Variants in C5orf47 observed in about 807,000 individuals in gnomAD.
C5orf47 encodes the protein chromosome 5 open reading frame 47.
Under a neutral mutation model 20.6 loss-of-function variants are expected in C5orf47, and 20 were observed. The observed-to-expected ratio is 0.97, with a 90% confidence interval of 0.68 to 1.41. The LOEUF is 1.41. Among genes scored for constraint, C5orf47 ranks in the 40% most tolerant of loss-of-function variants. The probability of loss-of-function intolerance (pLI) is 0.00; values close to 1 mark genes in which losing one functional copy is unlikely to be tolerated. For synonymous variants in C5orf47, 106 were observed against 97.3 expected (o/e 1.09, Z -0.53); for missense variants, 262 against 238.4 (o/e 1.10, Z -0.65).
In C5orf47 at chr5:174,006,007, A is replaced by T. The variant is rs1759287388; in HGVS notation, c.*1753A>T. 1 of 152,320 alleles carries T rather than the reference A, an allele frequency of 6.6e-6. No individual in the cohort carries two copies. Among genetic ancestry groups the T allele is most frequent in the Non-Finnish European group, 1.5e-5 (1 of 68,036 alleles). The allele number at this position is 152,320 out of a possible 1,614,324, so 9.4% of individuals were successfully genotyped here. ...TGTTCAATCTGTTATGTTAAATAGA[A>T]TATAATAAACATAAGACTTTTCTTT... On this transcript the variant is annotated 3_prime_UTR_variant, in exon 5 of 5. Coordinates refer to ENST00000340147, the MANE Select transcript of C5orf47 (RefSeq NM_001144954.2).
rs188661417 is a variant in C5orf47, at chr5:173,998,196, A to G, written c.369A>G (p.Ile123Met). Residue 123 changes from isoleucine to methionine, a missense_variant, in exon 2 of 5, where the codon ATA becomes ATG. Transcript: ENST00000340147. The stretch of plus-strand genomic sequence containing the variant: ...CAGCTAAAAAGTATGATTTTCCCAT[A>G]CCATTGAATGAAGCTTCCAAAATAA... ...KDAAKKYDFP[I>M]PLNEASKIMK... is the part of the protein sequence containing the mutation. 8.4e-6 allele frequency: 13 copies of G among 1,543,108 alleles called. No individual in the cohort carries two copies. The highest frequency in any genetic ancestry group is 2.0e-5 in the Admixed American group (1 of 49,342).
downstream of C5orf47, among the ~76,000 whole-genome samples, chr5:174,009,494 C>T (rs571153493): frequency 8.8e-5 from 13 of 146,938 alleles, no homozygotes; most frequent in East Asian, 7.7e-4. Flanking sequence ...CTGTCAACAC[C>T]GCTTTAGCTG....
chr5:174,007,887 C>T (rs539214290), downstream of C5orf47, among the ~76,000 whole-genome samples: 3 of 152,176 alleles, frequency 2.0e-5, no homozygotes, highest in East Asian at 3.9e-4. Flanking sequence ...ATAATGTAGT[C>T]CAAAGAGATC....
At chr5:174,001,126 A>G (rs1429020647) in intron 3 of C5orf47, 70 bp from the exon 4 acceptor site, 2 of 894,962 alleles carry the variant, frequency 2.2e-6, no homozygotes, top group African/African-American at 1.7e-5. Context: ...TCCATAATGT[A>G]TATTTATTAA....
chr5:174,005,310 A>G lies in C5orf47; in HGVS notation c.*1056A>G, dbSNP rs1759270088. 1 of 152,214 alleles carries G rather than the reference A, an allele frequency of 6.6e-6. No homozygotes were observed. The highest frequency in any genetic ancestry group is 2.4e-5 in the African/African-American group (1 of 41,452). 9.4% of individuals were successfully genotyped at this position (152,214 alleles called of 1,614,324 possible). A position where few individuals can be genotyped will look rare whatever the true frequency, so the allele number is the denominator to read the frequency against. On this transcript the variant is annotated 3_prime_UTR_variant, in exon 5 of 5. Transcript: ENST00000340147. Reference sequence around the variant, plus strand: ...CCTAATTATTTTACAAAGGTATTACAAAGTGTTAATATACAAAATTCTCAT... The same window carrying G: ...CCTAATTATTTTACAAAGGTATTACGAAGTGTTAATATACAAAATTCTCAT...
intron 2 of C5orf47, among the ~76,000 whole-genome samples, chr5:173,999,312 T>C (rs1239855494): frequency 1.3e-5 from 2 of 152,194 alleles, no homozygotes; most frequent in Non-Finnish European, 2.9e-5. Context: ...TGGAATAAAA[T>C]ATGTTTAAAA....
intron 3 of C5orf47, among the ~76,000 whole-genome samples, chr5:174,000,600 A>G (rs1346748405): frequency 6.6e-6 from 1 of 152,124 alleles, no homozygotes. Context: ...GTAAAATTGC[A>G]GTATTTAATT....
intron 1 of C5orf47, among the ~76,000 whole-genome samples, chr5:173,989,867 G>C (rs747311328): frequency 3.9e-5 from 6 of 152,194 alleles, no homozygotes; most frequent in African/African-American, 9.7e-5. Context: ...TTCCGTTCCA[G>C]CTGAGTGAGA....
intron 4 of C5orf47, among the ~76,000 whole-genome samples, chr5:174,002,067 C>T (rs1759208956): frequency 6.6e-6 from 1 of 151,710 alleles, no homozygotes; most frequent in South Asian, 2.1e-4. Flanking sequence ...GATCCTCCCA[C>T]TTCAGCATTC....
chr5:173,990,733 A>C (rs552372657), intron 1 of C5orf47, among the ~76,000 whole-genome samples: 2 of 152,124 alleles, frequency 1.3e-5, no homozygotes, highest in Non-Finnish European at 2.9e-5. Context: ...CCACCGCGCC[A>C]GGCCCTCTCT....
chr5:173,991,218 G>C (rs1257662166), intron 1 of C5orf47, among the ~76,000 whole-genome samples: 2 of 151,958 alleles, frequency 1.3e-5, no homozygotes, highest in Non-Finnish European at 2.9e-5. Flanking sequence ...TTTTATCCTT[G>C]ATTCTCATGA....
intron 1 of C5orf47, among the ~76,000 whole-genome samples, chr5:173,990,755 A>G (rs1056662087): frequency 1.3e-5 from 2 of 152,172 alleles, no homozygotes; most frequent in Admixed American, 6.5e-5. Flanking sequence ...GGTTTTTCTA[A>G]GTCAGCTTTA....
chr5:173,991,958 T>C (rs1347213734), intron 1 of C5orf47, among the ~76,000 whole-genome samples: 1 of 152,216 alleles, frequency 6.6e-6, no homozygotes, highest in African/African-American at 2.4e-5. Flanking sequence ...AATTCCTTAA[T>C]AACCTTCTCT....
At chr5:174,007,860 C>A (rs1274522779), downstream of C5orf47, among the ~76,000 whole-genome samples, 2 of 152,152 alleles carry the variant, frequency 1.3e-5, no homozygotes, top group East Asian at 3.9e-4. Context: ...ACGCCCAGTC[C>A]TCTCCTACCT....
At chr5:174,007,141 G>A (rs752749753), downstream of C5orf47, among the ~76,000 whole-genome samples, 66 of 152,110 alleles carry the variant, frequency 4.3e-4, no homozygotes, top group Non-Finnish European at 7.8e-4. Context: ...ATACCTGGCA[G>A]TTGGAGTAAC....
chr5:173,991,507 GTT>G (rs553188666), intron 1 of C5orf47, among the ~76,000 whole-genome samples: 3,295 of 137,808 alleles, frequency 0.024, 89 homozygotes, highest in African/African-American at 0.07. Context: ...TTCAGTGTTT[GTT>G]TTTTTTTTTT....
Position 173,998,204 on chromosome 5 carries a change from A to T in C5orf47, c.377A>T (p.Asn126Ile). ...AAGTATGATTTTCCCATACCATTGA[A>T]TGAAGCTTCCAAAATAATGAAGAAA... ...AKKYDFPIPL[N>I]EASKIMKKKK... The change falls in exon 2 of 5, where the codon AAT becomes ATT. Residue 126 changes from asparagine to isoleucine, a missense_variant. By Grantham distance (149) the Asn-to-Ile change is moderately radical. Transcript: ENST00000340147. 6.5e-7 allele frequency: 1 copy of T among 1,541,548 alleles called. No homozygotes were observed. The highest frequency in any genetic ancestry group is 1.2e-5 in the South Asian group (1 of 82,670).
intron 1 of C5orf47, among the ~76,000 whole-genome samples, chr5:173,996,955 T>C (rs1336976135): frequency 6.6e-6 from 1 of 152,194 alleles, no homozygotes; most frequent in Non-Finnish European, 1.5e-5. Context: ...TAATATTCCT[T>C]AGTGCTATGT....
rs768383117 is a variant in C5orf47, at chr5:173,989,298, C to T, written c.35C>T (p.Ser12Leu). 146 of 1,401,504 alleles carry T rather than the reference C, an allele frequency of 1.0e-4. No homozygotes were observed. The highest frequency in any genetic ancestry group is 1.3e-4 in the Non-Finnish European group (141 of 1,072,930). 86.8% of individuals were successfully genotyped at this position (1,401,504 alleles called of 1,614,324 possible). ...AAAGRGREQD[S>L]ARFVYVTRFG... ...GCAGGCCGGGGTCGGGAGCAGGACT[C>T]GGCGCGCTTCGTCTATGTGACGCGC... The change falls in exon 1 of 5, where the codon TCG becomes TTG. Residue 12 changes from serine to leucine, a missense_variant. Physicochemically the swap from Ser to Leu is moderately radical, Grantham distance 145 (BLOSUM62 -2). Transcript: ENST00000340147.
Sources: gnomAD v4.1 joint callset for allele counts (sites outside exome capture counted in the v4.1 genomes callset) on GRCh38, gnomAD v4.1.1 for gene constraint, MANE v1.5 for transcripts, NCBI Gene and HGNC (gene_info 2026-07-23, HGNC 2026-07-21) for gene names.